PPARGC1A: variants seen among roughly 807,000 people sequenced by gnomAD.
PPARGC1A encodes the protein peroxisome proliferator-activated receptor gamma coactivator 1-alpha.
Under a neutral mutation model 88.7 loss-of-function variants are expected in PPARGC1A, and 25 were observed. The ratio of observed to expected loss-of-function variants is 0.28; its 90% CI spans 0.21 to 0.39. The LOEUF is 0.39. Ranked by LOEUF, PPARGC1A falls within the 10% of genes least tolerant of loss-of-function variation. The pLI is 1.00. For synonymous variants in PPARGC1A, 363 were observed against 355.6 expected, an observed-to-expected ratio of 1.02 and a Z score of -0.24; for missense variants, 880 against 968.7, an observed-to-expected ratio of 0.91 and a Z score of 1.22.
At chr4:24,325,680 C>T in the PPARGC1A span, among the ~76,000 whole-genome samples, 6 of 152,314 alleles carry the variant, frequency 3.9e-5, no homozygotes, top group South Asian at 2.1e-4. Flanking sequence ...TGAAGACTGA[C>T]GCTGCCCGAT....
At chr4:23,984,975 C>T in the PPARGC1A span, among the ~76,000 whole-genome samples, 2 of 151,988 alleles carry the variant, frequency 1.3e-5, no homozygotes, top group African/African-American at 2.4e-5. Flanking sequence ...CCACTATACG[C>T]AATGCCATCT....
intron 5 of PPARGC1A, among the ~76,000 whole-genome samples, chr4:23,826,779 A>G (rs57241209): frequency 0.024 from 3,691 of 152,234 alleles, 141 homozygotes; most frequent in African/African-American, 0.084. Flanking sequence ...ATATATACCA[A>G]ATACAGCCAG....
chr4:24,353,257 AG>A, the PPARGC1A span, among the ~76,000 whole-genome samples: 6 of 149,982 alleles, frequency 4.0e-5, no homozygotes, highest in African/African-American at 1.5e-4. Flanking sequence ...CTAACAAACT[AG>A]GTGCTTATTC....
intron 7 of PPARGC1A, among the ~76,000 whole-genome samples, chr4:23,819,802 C>G (rs1003074703): frequency 2.0e-5 from 3 of 151,960 alleles, no homozygotes; most frequent in Non-Finnish European, 4.4e-5. Flanking sequence ...TTTGTTGGGT[C>G]TTCCTTTCTT....
chr4:24,282,875 T>G, the PPARGC1A span, among the ~76,000 whole-genome samples: 1 of 152,212 alleles, frequency 6.6e-6, no homozygotes, highest in Admixed American at 6.5e-5. Context: ...TTTTAAAAAT[T>G]TATTATTCCT....
At chr4:24,404,534 T>C in the PPARGC1A span, among the ~76,000 whole-genome samples, 1 of 152,090 alleles carries the variant, frequency 6.6e-6, no homozygotes, top group South Asian at 2.1e-4. Context: ...AACTGAAAGA[T>C]ATATATTAAA....
the PPARGC1A span, among the ~76,000 whole-genome samples, chr4:24,200,820 T>C: frequency 1.3e-5 from 2 of 152,138 alleles, no homozygotes; most frequent in African/African-American, 4.8e-5. Flanking sequence ...CCAAGGAATT[T>C]CCCTGGAAAG....
At chr4:24,436,854 G>T in the PPARGC1A span, among the ~76,000 whole-genome samples, 1 of 150,816 alleles carries the variant, frequency 6.6e-6, no homozygotes, top group East Asian at 2.0e-4. Context: ...CCACCCCAGA[G>T]CCCAGGTCAC....
chr4:23,816,258 T>C (rs56786465), intron 7 of PPARGC1A, among the ~76,000 whole-genome samples: 2,318 of 152,272 alleles, frequency 0.015, 50 homozygotes, highest in African/African-American at 0.053. Flanking sequence ...TTCCCTTTGT[T>C]AACAGCTGCT....
intron 2 of PPARGC1A, among the ~76,000 whole-genome samples, chr4:23,875,270 C>A (rs1334411046): frequency 6.6e-6 from 1 of 152,004 alleles, no homozygotes; most frequent in East Asian, 1.9e-4. Flanking sequence ...TCTTGTAATT[C>A]TTTTGTTTCT....
At chr4:24,188,188 G>A in the PPARGC1A span, among the ~76,000 whole-genome samples, 3 of 151,632 alleles carry the variant, frequency 2.0e-5, no homozygotes, top group Admixed American at 2.0e-4. Flanking sequence ...GTGAGCAGGG[G>A]GAGAAAAATG....
chr4:24,350,519 C>T, the PPARGC1A span, among the ~76,000 whole-genome samples: 15 of 152,304 alleles, frequency 9.8e-5, no homozygotes, highest in South Asian at 6.2e-4. Flanking sequence ...CACCAATCCT[C>T]TCATGAGGGA....
At chr4:24,276,756 G>A in the PPARGC1A span, among the ~76,000 whole-genome samples, 1 of 152,184 alleles carries the variant, frequency 6.6e-6, no homozygotes, top group Non-Finnish European at 1.5e-5. Context: ...CTTATCAGAT[G>A]ATGTCTTGTT....
chr4:23,957,684 G>A, the PPARGC1A span, among the ~76,000 whole-genome samples: 1 of 152,046 alleles, frequency 6.6e-6, no homozygotes, highest in Non-Finnish European at 1.5e-5. Flanking sequence ...GCCACCTACT[G>A]TCTGATGGGA....
the PPARGC1A span, among the ~76,000 whole-genome samples, chr4:24,332,105 A>T: frequency 9.5e-5 from 12 of 126,680 alleles, no homozygotes; most frequent in African/African-American, 3.4e-4. Flanking sequence ...TCAGAAGAAC[A>T]GTGGGTTTTT....
the PPARGC1A span, among the ~76,000 whole-genome samples, chr4:24,222,429 C>CA: frequency 6.6e-6 from 1 of 152,204 alleles, no homozygotes; most frequent in Non-Finnish European, 1.5e-5. Flanking sequence ...ATACTTATCT[C>CA]ATAGAGTTAG....
the PPARGC1A span, among the ~76,000 whole-genome samples, chr4:24,127,692 T>G: frequency 6.6e-6 from 1 of 152,194 alleles, no homozygotes; most frequent in East Asian, 1.9e-4. Flanking sequence ...GGATACTAAC[T>G]TGGGCCCGGA....
the PPARGC1A span, among the ~76,000 whole-genome samples, chr4:24,452,841 A>G: frequency 1.3e-5 from 2 of 152,172 alleles, no homozygotes; most frequent in Admixed American, 6.6e-5. Context: ...TTTCAACTCT[A>G]TTACTATAAT....
At chr4:24,245,876 T>C in the PPARGC1A span, among the ~76,000 whole-genome samples, 1 of 152,164 alleles carries the variant, frequency 6.6e-6, no homozygotes, top group Admixed American at 6.5e-5. Context: ...ATTTGTTGTT[T>C]TATTATTAGT....
Sources: allele counts gnomAD v4.1 joint callset (sites outside exome capture counted in the v4.1 genomes callset), GRCh38; gene constraint gnomAD v4.1.1; transcripts MANE v1.5; gene names NCBI Gene and HGNC (gene_info 2026-07-23, HGNC 2026-07-21).